RBBP8: variants seen among roughly 807,000 people sequenced by gnomAD.
RBBP8 encodes the protein RB binding protein 8, endonuclease.
RBBP8 carries 88 observed loss-of-function variants against 108.3 expected under a neutral mutation model. The observed-to-expected ratio is 0.81, with a 90% confidence interval of 0.68 to 0.97. The LOEUF (loss-of-function observed/expected upper bound fraction) is 0.97. Among genes scored for constraint, RBBP8 ranks in the 50% least tolerant of loss-of-function variants. RBBP8 has a pLI of 0.00. For synonymous variants in RBBP8, 332 were observed against 348.2 expected (o/e 0.95, Z 0.52); for missense variants, 1,023 against 1,049.0 (o/e 0.98, Z 0.34).
intron 6 of RBBP8, among the ~76,000 whole-genome samples, chr18:22,976,522 A>G (rs1032155038): frequency 1.3e-5 from 2 of 152,094 alleles, no homozygotes; most frequent in African/African-American, 4.8e-5. Context: ...GAGTATTCAT[A>G]TGTTTTGCTG....
chr18:22,968,731 CTT>C, intron 4 of RBBP8, 73 bp from the exon 5 acceptor site: 1 of 1,225,404 alleles, frequency 8.2e-7, no homozygotes, highest in South Asian at 1.3e-5. Context: ...TTCCTTAAAT[CTT>C]TATAAAAGTC....
At chr18:23,021,465 T>C (rs1435119807) in intron 17 of RBBP8, among the ~76,000 whole-genome samples, 3 of 152,210 alleles carry the variant, frequency 2.0e-5, no homozygotes, top group African/African-American at 7.2e-5. Context: ...CTTAAACTAC[T>C]GCTTTGTTTT....
chr18:22,921,906 C>T (rs1467005156), intron 3 of RBBP8, among the ~76,000 whole-genome samples: 4 of 152,154 alleles, frequency 2.6e-5, no homozygotes, highest in African/African-American at 9.7e-5. Flanking sequence ...TAAGTTTTCA[C>T]ACTAGTAAAG....
intron 1 of RBBP8, among the ~76,000 whole-genome samples, chr18:22,935,136 AT>A (rs1910429098): frequency 6.6e-6 from 1 of 151,448 alleles, no homozygotes; most frequent in African/African-American, 2.4e-5. Context: ...AGTGCACCTA[AT>A]TCTACTTTTA....
At position 22,976,131 on chromosome 18, in the gene RBBP8, G is replaced by A. The variant is rs895424373; in HGVS notation, c.428+912G>A. 4.6e-5 allele frequency among the ~76,000 whole-genome samples: 7 copies of A among 152,042 alleles called. 1 individual carries two copies. The highest frequency in any genetic ancestry group is 4.6e-4 in the Admixed American group (7 of 15,276). On this transcript the variant is annotated intron_variant, in intron 6 of 18. Coordinates refer to ENST00000327155, the MANE Select transcript of RBBP8 (RefSeq NM_002894.3). ...ATTTTGGCTTAGAATAGTTATTTTT[G>A]TATGAACACATCTCACAAGTAGAAT...
intron 16 of RBBP8, among the ~76,000 whole-genome samples, chr18:23,014,074 T>A (rs374555119): frequency 2.8e-4 from 42 of 152,202 alleles, no homozygotes; most frequent in African/African-American, 8.9e-4. Flanking sequence ...TCTTGGCTCA[T>A]TGCAACCTCC....
intron 4 of RBBP8, among the ~76,000 whole-genome samples, chr18:22,958,401 A>G (rs1358944390): frequency 6.6e-6 from 1 of 152,236 alleles, no homozygotes; most frequent in Non-Finnish European, 1.5e-5. Flanking sequence ...ATCAGCTCAT[A>G]ATTATGTTAT....
chr18:23,005,446 C>T (rs527515715), intron 15 of RBBP8, among the ~76,000 whole-genome samples: 1 of 152,170 alleles, frequency 6.6e-6, no homozygotes, highest in East Asian at 1.9e-4. Flanking sequence ...CGGAGTCTTG[C>T]TCTGTTGCCA....
At chr18:23,006,538 G>A in intron 16 of RBBP8, 106 bp downstream of exon 16, 1 of 1,002,666 alleles carries the variant, frequency 1.0e-6, no homozygotes, top group Non-Finnish European at 1.5e-6. Flanking sequence ...GTCTTGCTCT[G>A]TCACCCAGGC....
intron 8 of RBBP8, among the ~76,000 whole-genome samples, chr18:22,986,592 CA>C (rs1159913791): frequency 6.6e-6 from 1 of 151,758 alleles, no homozygotes; most frequent in African/African-American, 2.4e-5. Flanking sequence ...GCATGATCGG[CA>C]TTTATTTATG....
At position 22,990,959 on chromosome 18, in the gene RBBP8, C is replaced by G. The variant is rs1018935999; in HGVS notation, c.830C>G (p.Pro277Arg). ...EESETQGPMS[P>R]LGDELYHCLE... ...AAGGAAACTCAAGGTCCCATGAGCC[C>G]CCTTGGTGATGAGCTCTACCACTGT... Residue 277 changes from proline to arginine, a missense_variant, in exon 10 of 19, where the codon CCC becomes CGC. Transcript: ENST00000327155. 6.2e-7 allele frequency: 1 copy of G among 1,613,528 alleles called. No individual in the cohort carries two copies. The highest frequency in any genetic ancestry group is 2.2e-5 in the East Asian group (1 of 44,858).
rs770558897 is a variant in RBBP8, at chr18:22,993,348, A to C, written c.1521A>C (p.Gln507His). 1.2e-6 allele frequency: 2 copies of C among 1,614,274 alleles called. No homozygotes were observed. The highest frequency in any genetic ancestry group is 1.7e-5 in the Admixed American group (1 of 60,032). The change falls in exon 11 of 19, where the codon CAA (glutamine) becomes CAC (histidine). Residue 507 changes from glutamine to histidine, a missense_variant. By Grantham distance (24) the Gln-to-His change is conservative. Coordinates refer to ENST00000327155, the MANE Select transcript of RBBP8 (RefSeq NM_002894.3). Reference sequence around the variant, plus strand: ...CTATTCAGCGTCAAGAGAAAAGCCAAGGAAGTGAGACTTCTAAAAACAAAT... The same window carrying C: ...CTATTCAGCGTCAAGAGAAAAGCCACGGAAGTGAGACTTCTAAAAACAAAT... The part of the protein sequence containing the change: ...FSAIQRQEKS[Q>H]GSETSKNKFR...
At chr18:22,937,792 T>A (rs1910706594) in intron 2 of RBBP8, among the ~76,000 whole-genome samples, 1 of 151,190 alleles carries the variant, frequency 6.6e-6, no homozygotes, top group Non-Finnish European at 1.5e-5. Context: ...GATCTCATTA[T>A]TTATTTATTT....
Position 23,006,404 on chromosome 18 carries a change from G to T in RBBP8, c.2329G>T (p.Val777Leu), listed in dbSNP as rs1356205508. 1 of 1,613,554 alleles carries T rather than the reference G, an allele frequency of 6.2e-7. No homozygotes were observed. The highest frequency in any genetic ancestry group is 2.2e-5 in the East Asian group (1 of 44,874). The change falls in exon 16 of 19, where the codon GTG becomes TTG. Residue 777 changes from valine (V) to leucine (L), a missense_variant. Val to Leu is a conservative substitution (Grantham distance 32). Transcript: ENST00000327155. Reference protein sequence around the residue: ...KQDKVKQKAFVEPYFKGDERE... With the variant: ...KQDKVKQKAFLEPYFKGDERE... ...AGACAAAGTCAAGCAGAAAGCGTTT[G>T]TGGAGCCGTATTTTAAAGGTGATGA...
intron 16 of RBBP8, among the ~76,000 whole-genome samples, chr18:23,012,021 A>G (rs908809558): frequency 1.3e-5 from 2 of 151,770 alleles, no homozygotes; most frequent in Non-Finnish European, 2.9e-5. Context: ...GGCAACATGG[A>G]AGAACTCCAT....
intron 4 of RBBP8, among the ~76,000 whole-genome samples, chr18:22,950,219 A>C (rs1321843649): frequency 6.6e-6 from 1 of 152,234 alleles, no homozygotes. Context: ...AAAGGCTTCC[A>C]GCATTTGCTG....
intron 5 of RBBP8, among the ~76,000 whole-genome samples, chr18:22,971,521 ATTTC>A (rs1375557156): frequency 6.6e-6 from 1 of 151,180 alleles, no homozygotes; most frequent in Non-Finnish European, 1.5e-5. Flanking sequence ...AGTTATGGAT[ATTTC>A]TTTCTGTACC....
rs962242773 is a variant in RBBP8 at position 23,001,256 on chromosome 18, GA to G, written c.2144-327del. On this transcript the variant is annotated intron_variant, in intron 14 of 18. Transcript: ENST00000327155. ...ACTACCTATATTACATCTATTCACT[GA>G]AAGAATACTCTGCAAAGTAAGGCCT... 4.9e-4 allele frequency among the ~76,000 whole-genome samples: 74 copies of G among 152,244 alleles called. 1 individual carries two copies. Among genetic ancestry groups the G allele is most frequent in the African/African-American group, 1.5e-3 (61 of 41,550 alleles).
chr18:22,916,617 A>G lies in RBBP8; in HGVS notation c.-239-324A>G, dbSNP rs116676957. On this transcript the variant is annotated intron_variant, in intron 2 of 4. Transcript: ENST00000577588. ...ATCATTTGTTTTTATATTTTAATCT[A>G]TACCATTATTGCCCCAAACATTTTT... 6.2e-3 allele frequency among the ~76,000 whole-genome samples: 940 copies of G among 152,252 alleles called. 6 individuals carry two copies. The highest frequency in any genetic ancestry group is 0.022 in the African/African-American group (913 of 41,558).
Sources: gnomAD v4.1 joint callset for allele counts (sites outside exome capture counted in the v4.1 genomes callset) on GRCh38, gnomAD v4.1.1 for gene constraint, MANE v1.5 for transcripts, NCBI Gene and HGNC (gene_info 2026-07-23, HGNC 2026-07-21) for gene names.